The following PDK1 variants were observed in gnomAD, a reference collection of about 807,000 sequenced individuals.
The protein encoded by PDK1 is [Pyruvate dehydrogenase (acetyl-transferring)] kinase isozyme 1, mitochondrial.
PDK1 carries 39 observed loss-of-function variants against 54.2 expected under a neutral mutation model. That is an observed-to-expected ratio of 0.72 (90% CI 0.56 to 0.94). The LOEUF (loss-of-function observed/expected upper bound fraction) is 0.94. PDK1 is among the 40% of genes least tolerant of loss of function. The pLI, the probability that PDK1 is intolerant of heterozygous loss-of-function variation, is 0.00. For missense variants in PDK1, 552 were observed against 566.0 expected (o/e 0.98, Z 0.25); for synonymous variants, 221 against 207.1 (o/e 1.07, Z -0.58).
intron 5 of PDK1, among the ~76,000 whole-genome samples, chr2:172,566,087 G>A (rs942810587): frequency 4.6e-5 from 7 of 152,118 alleles, no homozygotes; most frequent in African/African-American, 1.7e-4. Flanking sequence ...GGATAAGAGT[G>A]TTTCCTAACC....
rs55753852 is a variant in PDK1 at position 172,557,610 on chromosome 2, C to CGTGTGTGTGTGT, written c.197-1073_197-1062dup. On this transcript the variant is annotated intron_variant, in intron 1 of 10. Coordinates refer to ENST00000282077, the MANE Select transcript of PDK1 (RefSeq NM_002610.5). Reference sequence around the variant, plus strand: ...TTCCTCTGCACTTACTCTTTTTTCCCGTGTGTGTGTGTGTGTGTGTGTGTG... The same window carrying CGTGTGTGTGTGT: ...TTCCTCTGCACTTACTCTTTTTTCCCGTGTGTGTGTGTGTGTGTGTGTGTGTGTGTGTGTGTG... Among the ~76,000 whole-genome samples the CGTGTGTGTGTGT allele has an allele frequency of 2.3e-3, 324 of 142,016 alleles. 4 individuals are homozygous for CGTGTGTGTGTGT. The highest frequency in any genetic ancestry group is 7.9e-3 in the African/African-American group (298 of 37,842). The allele number at this position is 142,016 out of a possible 152,430, so 93.2% of individuals were successfully genotyped here.
chr2:172,622,358 T>C, the PDK1 span, among the ~76,000 whole-genome samples: 18 of 149,504 alleles, frequency 1.2e-4, 1 homozygote, highest in South Asian at 3.4e-3. Context: ...GTGTGAGATA[T>C]GTTTATATCA....
At chr2:172,626,104 T>C in the PDK1 span, among the ~76,000 whole-genome samples, 1 of 152,222 alleles carries the variant, frequency 6.6e-6, no homozygotes, top group Non-Finnish European at 1.5e-5. Context: ...ATAATATCTC[T>C]GGAAGATAAA....
the PDK1 span, among the ~76,000 whole-genome samples, chr2:172,643,485 C>G: frequency 2.6e-5 from 4 of 152,200 alleles, no homozygotes. Flanking sequence ...CAAGGCATCT[C>G]TTCTAGCCCC....
chr2:172,703,292 C>G, the PDK1 span, among the ~76,000 whole-genome samples: 1 of 152,244 alleles, frequency 6.6e-6, no homozygotes, highest in East Asian at 1.9e-4. Flanking sequence ...TGATTTCAGC[C>G]CAGTGATACT....
intron 9 of PDK1, among the ~76,000 whole-genome samples, chr2:172,590,944 C>T (rs1283519312): frequency 6.6e-6 from 1 of 152,152 alleles, no homozygotes; most frequent in East Asian, 1.9e-4. Context: ...CAGTATACCC[C>T]AACTGTTGTT....
At chr2:172,709,463 G>A in the PDK1 span, among the ~76,000 whole-genome samples, 1 of 152,210 alleles carries the variant, frequency 6.6e-6, no homozygotes, top group Non-Finnish European at 1.5e-5. Context: ...GAAAAGGAAA[G>A]GCAACGCTCA....
the PDK1 span, among the ~76,000 whole-genome samples, chr2:172,711,831 A>C: frequency 7.3e-6 from 1 of 137,332 alleles, no homozygotes; most frequent in East Asian, 2.3e-4. Context: ...GTACCATTGC[A>C]CTCCAGCCAG....
chr2:172,671,465 T>A, the PDK1 span, among the ~76,000 whole-genome samples: 1 of 136,012 alleles, frequency 7.4e-6, no homozygotes, highest in Admixed American at 7.9e-5. Flanking sequence ...AGTTAATGCT[T>A]TTTTTTTAAG....
chr2:172,655,646 C>T, the PDK1 span, among the ~76,000 whole-genome samples: 1 of 152,228 alleles, frequency 6.6e-6, no homozygotes, highest in Non-Finnish European at 1.5e-5. Context: ...AGGGGTGTGG[C>T]TTGTCTGTTT....
At chr2:172,621,607 A>ATATATCATATATGTTTG in the PDK1 span, among the ~76,000 whole-genome samples, 2 of 145,744 alleles carry the variant, frequency 1.4e-5, no homozygotes, top group African/African-American at 5.0e-5. Context: ...ATATATGTTT[A>ATATATCATATATGTTTG]TATATCATAT....
At chr2:172,633,616 C>T in the PDK1 span, among the ~76,000 whole-genome samples, 3 of 150,912 alleles carry the variant, frequency 2.0e-5, no homozygotes, top group Non-Finnish European at 4.4e-5. Flanking sequence ...CAATATGTAA[C>T]AAACTCCCAT....
chr2:172,614,170 G>T, the PDK1 span, among the ~76,000 whole-genome samples: 1 of 118,010 alleles, frequency 8.5e-6, no homozygotes, highest in Admixed American at 8.1e-5. Flanking sequence ...GTCCCAGGAA[G>T]GACCCCCCCC....
chr2:172,634,938 A>T, the PDK1 span, among the ~76,000 whole-genome samples: 1 of 152,190 alleles, frequency 6.6e-6, no homozygotes, highest in Non-Finnish European at 1.5e-5. Flanking sequence ...CTCTTTTCAG[A>T]ATGTCAACAT....
the PDK1 span, among the ~76,000 whole-genome samples, chr2:172,707,595 C>T: frequency 6.6e-6 from 1 of 152,186 alleles, no homozygotes; most frequent in South Asian, 2.1e-4. Context: ...ACAGCTGTGT[C>T]ATTCCCTGGG....
chr2:172,578,229 A>G (rs2149253864), intron 8 of PDK1, among the ~76,000 whole-genome samples: 2 of 152,286 alleles, frequency 1.3e-5, no homozygotes, highest in Middle Eastern at 6.8e-3. Flanking sequence ...GTGATGAGTC[A>G]TTTCTCTGTT....
the PDK1 span, among the ~76,000 whole-genome samples, chr2:172,675,486 G>T: frequency 6.6e-6 from 1 of 152,222 alleles, no homozygotes; most frequent in Non-Finnish European, 1.5e-5. Context: ...GAGAAGGTTT[G>T]AGTGTTCTGG....
the PDK1 span, among the ~76,000 whole-genome samples, chr2:172,706,303 C>T: frequency 6.6e-6 from 1 of 150,770 alleles, no homozygotes; most frequent in South Asian, 2.1e-4. Context: ...ATTGGTGATT[C>T]GTTTCTAGTG....
chr2:172,612,568 A>T (rs1420563076), downstream of PDK1, among the ~76,000 whole-genome samples: 1 of 151,982 alleles, frequency 6.6e-6, no homozygotes, highest in Non-Finnish European at 1.5e-5. Flanking sequence ...TCCAGTCACC[A>T]CTCTATCCAA....
Sources: gnomAD v4.1 joint callset for allele counts (sites outside exome capture counted in the v4.1 genomes callset) on GRCh38, gnomAD v4.1.1 for gene constraint, MANE v1.5 for transcripts, NCBI Gene and HGNC (gene_info 2026-07-23, HGNC 2026-07-21) for gene names.